PHKA2: variants seen among roughly 807,000 people sequenced by gnomAD.
PHKA2 encodes phosphorylase b kinase regulatory subunit alpha, liver isoform.
PHKA2 carries 31 observed loss-of-function variants against 102.0 expected under a neutral mutation model. The ratio of observed to expected loss-of-function variants is 0.30; its 90% CI spans 0.23 to 0.41. PHKA2 has a LOEUF of 0.41. Among genes scored for constraint, PHKA2 ranks in the 10% least tolerant of loss-of-function variants. The pLI is 1.00. For synonymous variants in PHKA2, 455 were observed against 416.2 expected, an observed-to-expected ratio of 1.09 and a Z score of -1.13; for missense variants, 858 against 1,023.1, an observed-to-expected ratio of 0.84 and a Z score of 2.20.
intron 1 of PHKA2, among the ~76,000 whole-genome samples, chrX:18,973,390 CTTCTTT>C (rs1454242829): frequency 9.1e-6 from 1 of 109,360 alleles, no homozygotes; most frequent in Admixed American, 9.6e-5. Flanking sequence ...CACTGTTTTT[CTTCTTT>C]ATTAATGTGG....
At chrX:18,916,776 C>T (rs986769215) in intron 19 of PHKA2, among the ~76,000 whole-genome samples, 1 of 112,279 alleles carries the variant, frequency 8.9e-6, no homozygotes, top group African/African-American at 3.2e-5. Flanking sequence ...ATCATGCTTC[C>T]TGTACAGCCG....
intron 2 of PHKA2, 36 bp from the exon 3 acceptor site, chrX:18,952,577 G>A (rs1265848574): frequency 8.4e-7 from 1 of 1,185,186 alleles, no homozygotes; most frequent in Admixed American, 2.2e-5. Flanking sequence ...ACACGGCCCA[G>A]GGTCCTTGCT....
intron 1 of PHKA2, among the ~76,000 whole-genome samples, chrX:18,958,416 T>A (rs1389515025): frequency 1.8e-5 from 2 of 111,551 alleles, no homozygotes; most frequent in African/African-American, 6.5e-5. Flanking sequence ...AACAGTGCTT[T>A]TATTTCCATG....
chrX:18,962,995 T>C (rs1354205489), intron 1 of PHKA2, among the ~76,000 whole-genome samples: 1 of 112,340 alleles, frequency 8.9e-6, no homozygotes, highest in Non-Finnish European at 1.9e-5. Flanking sequence ...AGCTGAAAGG[T>C]TGTCCTCTCC....
At chrX:18,931,780 G>A (rs1415041398) in intron 11 of PHKA2, 32 bp from the exon 12 acceptor site, 1 of 993,105 alleles carries the variant, frequency 1.0e-6, no homozygotes, top group Non-Finnish European at 1.4e-6. Context: ...AAGTCAGAAA[G>A]TCAGAGGATA....
At chrX:18,958,413 C>T (rs1025064437) in intron 1 of PHKA2, among the ~76,000 whole-genome samples, 1 of 111,070 alleles carries the variant, frequency 9.0e-6, no homozygotes, top group African/African-American at 3.3e-5. Flanking sequence ...TTCAACAGTG[C>T]TTTTATTTCC....
chrX:18,953,911 G>A (rs916852631), intron 2 of PHKA2, among the ~76,000 whole-genome samples: 4 of 111,190 alleles, frequency 3.6e-5, no homozygotes, highest in African/African-American at 6.6e-5. Context: ...ACTTGAAACC[G>A]GGAGGCGGAG....
Position 18,948,740 on chromosome X carries a change from T to G in PHKA2, c.537+4A>C. On this transcript the variant is annotated splice_donor_region_variant and intron_variant, in intron 5 of 32. Coordinates refer to ENST00000379942, the MANE Select transcript of PHKA2 (RefSeq NM_000292.3). ...CTGAAAAGACTACCAGGGTTGATAC[T>G]TACAGCGACTTTATATGCAGCTTCT... 1.8e-6 allele frequency: 2 copies of G among 1,130,482 alleles called. No individual in the cohort carries two copies. The highest frequency in any genetic ancestry group is 2.4e-6 in the Non-Finnish European group (2 of 824,010). 93.2% of individuals were successfully genotyped at this position (1,130,482 alleles called of 1,213,427 possible). A position where few individuals can be genotyped will look rare whatever the true frequency, so the allele number is the denominator to read the frequency against.
chrX:18,983,912 G>C lies in PHKA2; in HGVS notation c.21C>G (p.Ser7=). 8.3e-7 allele frequency: 1 copy of C among 1,211,348 alleles called. No homozygotes were observed. Among genetic ancestry groups the C allele is most frequent in the African/African-American group, 1.7e-5 (1 of 57,987 alleles). The part of the protein sequence containing the change: MRSRSN[S]GVRLDGYARL... Reference sequence around the variant, plus strand: ...GCGCGTACCCGTCCAAGCGGACCCCGGAATTGCTCCTGCTCCGCATCTCCC... The same window carrying C: ...GCGCGTACCCGTCCAAGCGGACCCCCGAATTGCTCCTGCTCCGCATCTCCC... Residue 7 remains serine, a synonymous_variant, in exon 1 of 33, where the codon TCC becomes TCG. Coordinates refer to ENST00000379942, the MANE Select transcript of PHKA2 (RefSeq NM_000292.3).
chrX:18,932,080 T>C (rs2048325238), intron 11 of PHKA2, among the ~76,000 whole-genome samples: 1 of 112,560 alleles, frequency 8.9e-6, no homozygotes, highest in South Asian at 3.7e-4. Flanking sequence ...ATTGGCTGCA[T>C]GATGGGTGAA....
In PHKA2 at chrX:18,953,741, C is replaced by T. The variant is rs747533788; in HGVS notation, c.237+513G>A. Among the ~76,000 whole-genome samples, 8 of 112,043 alleles carry T rather than the reference C, an allele frequency of 7.1e-5. No individual in the cohort carries two copies. The East Asian group carries it at 2.2e-3, about 31-fold the overall frequency. On this transcript the variant is annotated intron_variant, in intron 2 of 32. Coordinates refer to ENST00000379942, the MANE Select transcript of PHKA2 (RefSeq NM_000292.3). ...GTGGCTCAGGCCTGCAATTCCAGCA[C>T]TTTGGGAGGCTGAGGTGGGCGGATC...
chrX:18,971,643 T>C (rs1181277869), intron 1 of PHKA2, among the ~76,000 whole-genome samples: 2 of 112,693 alleles, frequency 1.8e-5, no homozygotes, highest in African/African-American at 6.4e-5. Flanking sequence ...ATTATATAAA[T>C]GGCTGACTCT....
intron 7 of PHKA2, among the ~76,000 whole-genome samples, chrX:18,943,445 T>C (rs191385332): frequency 1.1e-3 from 123 of 112,615 alleles, no homozygotes; most frequent in African/African-American, 3.9e-3. Flanking sequence ...ACAAGGCTGC[T>C]TGGATTGCTG....
At chrX:18,965,400 C>T (rs2048925252) in intron 1 of PHKA2, among the ~76,000 whole-genome samples, 1 of 111,744 alleles carries the variant, frequency 8.9e-6, no homozygotes, top group Admixed American at 9.5e-5. Flanking sequence ...CAACTTTCAG[C>T]TGAACAGGGG....
Position 18,955,679 on chromosome X carries a change from G to A in PHKA2, c.79-1267C>T, listed in dbSNP as rs752416725. 1.4e-4 allele frequency among the ~76,000 whole-genome samples: 16 copies of A among 111,570 alleles called. 1 individual carries two copies. The highest frequency in any genetic ancestry group is 2.3e-4 in the Non-Finnish European group (12 of 53,175). On this transcript the variant is annotated intron_variant, in intron 1 of 32. Coordinates refer to ENST00000379942, the MANE Select transcript of PHKA2 (RefSeq NM_000292.3). ...CTTAAAAAAATTACATTACTGTAAA[G>A]GGCACCATATTATTTACAAGAGAGC...
intron 6 of PHKA2, among the ~76,000 whole-genome samples, chrX:18,944,218 T>C (rs2048541031): frequency 8.9e-6 from 1 of 112,033 alleles, no homozygotes; most frequent in South Asian, 3.7e-4. Context: ...AAGTTAGTGT[T>C]CTACCTAAAA....
chrX:18,983,104 G>A (rs2049200178), intron 1 of PHKA2, among the ~76,000 whole-genome samples: 1 of 112,136 alleles, frequency 8.9e-6, no homozygotes, highest in Non-Finnish European at 1.9e-5. Flanking sequence ...CACTTCCTTC[G>A]TTGACTTTGA....
intron 21 of PHKA2, 88 bp downstream of exon 21, chrX:18,908,713 G>C (rs1005674220): frequency 2.3e-6 from 2 of 851,468 alleles, no homozygotes; most frequent in Non-Finnish European, 3.5e-6. Context: ...CCAGCCTCCG[G>C]AACTGTGAGA....
chrX:18,911,836 A>C (rs923776013), intron 19 of PHKA2, among the ~76,000 whole-genome samples: 64 of 112,264 alleles, frequency 5.7e-4, no homozygotes, highest in Non-Finnish European at 8.4e-4. Flanking sequence ...GACTGGAAAG[A>C]AGCTCAGAAG....
Sources: allele counts gnomAD v4.1 joint callset (sites outside exome capture counted in the v4.1 genomes callset), GRCh38; gene constraint gnomAD v4.1.1; transcripts MANE v1.5; gene names NCBI Gene and HGNC (gene_info 2026-07-23, HGNC 2026-07-21).